COL6A3: variants seen among roughly 807,000 people sequenced by gnomAD.
COL6A3 encodes the protein collagen type VI alpha 3 chain.
COL6A3 carries 137 observed loss-of-function variants against 274.1 expected under a neutral mutation model. The observed-to-expected ratio is 0.50, with a 90% confidence interval of 0.44 to 0.58. The LOEUF (loss-of-function observed/expected upper bound fraction) is 0.58. Ranked by LOEUF, COL6A3 falls within the 20% of genes least tolerant of loss-of-function variation. The probability of loss-of-function intolerance (pLI) is 0.00; values close to 1 mark genes in which losing one functional copy is unlikely to be tolerated. For synonymous variants in COL6A3, 1,650 were observed against 1,650.6 expected (o/e 1.00, Z 0.01); for missense variants, 3,950 against 4,124.9 (o/e 0.96, Z 1.16).
Position 237,369,005 on chromosome 2 carries a change from T to C in COL6A3, c.4458A>G (p.Pro1486=). The C allele has an allele frequency of 6.2e-6, 10 of 1,614,250 alleles. No individual in the cohort carries two copies. Among genetic ancestry groups the C allele is most frequent in the Non-Finnish European group, 8.5e-6 (10 of 1,180,048 alleles). The part of the protein sequence containing the change: ...GVVQFSNDVF[P]EFYLKTYRSQ... ...ATCTGTAGGTTTTCAGATAGAATTCTGGGAAGACATCATTGCTGAACTGCA... is the reference window on the plus strand; with the variant it reads ...ATCTGTAGGTTTTCAGATAGAATTCCGGGAAGACATCATTGCTGAACTGCA... Residue 1486 remains proline (P), a synonymous_variant, in exon 10 of 44, where the codon CCA becomes CCG. Transcript: ENST00000295550.
chr2:237,364,469 AG>A lies in COL6A3; in HGVS notation c.5839-42del. On this transcript the variant is annotated intron_variant, in intron 12 of 43. Coordinates refer to ENST00000295550, the MANE Select transcript of COL6A3 (RefSeq NM_004369.4). The surrounding 1 kb of genome is among the most constrained non-coding windows in gnomAD (Gnocchi z 4.6). Reference sequence around the variant, plus strand: ...CTGTCAAATCCCAGGAAAACTAAAAAGGAGTGTTGCAGACTGCTGATAGAAA... The same window carrying A: ...CTGTCAAATCCCAGGAAAACTAAAAAGAGTGTTGCAGACTGCTGATAGAAA... 6.7e-7 allele frequency: 1 copy of A among 1,497,556 alleles called. No homozygotes were observed. The highest frequency in any genetic ancestry group is 9.3e-7 in the Non-Finnish European group (1 of 1,074,606). The allele number at this position is 1,497,556 out of a possible 1,614,324, so 92.8% of individuals were successfully genotyped here.
rs2077706383 is a variant in COL6A3, at chr2:237,372,086, T to G, written c.3931A>C (p.Asn1311His). The G allele has an allele frequency of 6.2e-7, 1 of 1,614,066 alleles. No individual in the cohort carries two copies. Among genetic ancestry groups the G allele is most frequent in the South Asian group, 1.1e-5 (1 of 91,090 alleles). The change falls in exon 9 of 44, where the codon AAC becomes CAC. Residue 1311 changes from asparagine (N) to histidine (H), a missense_variant. Coordinates refer to ENST00000295550, the MANE Select transcript of COL6A3 (RefSeq NM_004369.4). ...RLRPKGGRQI[N>H]VGNALEYVSR... ...ACGTACTCCAGGGCATTGCCCACGT[T>G]GATCTGCCGCCCTCCCTTGGGCCTC...
At chr2:237,396,588 CCTAT>C in intron 2 of COL6A3, 135 bp downstream of exon 2, 4 of 836,998 alleles carry the variant, frequency 4.8e-6, no homozygotes, top group Non-Finnish European at 8.1e-6. Context: ...CTAGAACTAT[CCTAT>C]CTGACTATCC....
chr2:237,375,636 G>A (rs1401244661), intron 7 of COL6A3, among the ~76,000 whole-genome samples: 3 of 152,112 alleles, frequency 2.0e-5, no homozygotes, highest in South Asian at 2.1e-4. Context: ...TCCGCCTCCC[G>A]GGTTCAAGTG....
rs372619164 is a variant in COL6A3 at position 237,374,965 on chromosome 2, G to A, written c.3126C>T (p.Ser1042=). Residue 1042 remains serine (S), a synonymous_variant, in exon 8 of 44, where the codon AGC becomes AGT. Coordinates refer to ENST00000295550, the MANE Select transcript of COL6A3 (RefSeq NM_004369.4). This position sits in a 1 kb window ranked among gnomAD's most constrained non-coding sequence, Gnocchi z 4.8. The part of the protein sequence containing the change: ...FLLDGSEGVR[S]GFPLLKEFVQ... Reference sequence around the variant, plus strand: ...CAAACTCTTTCAACAGAGGGAAGCCGCTCCTGACGCCCTCAGAGCCATCAA... The same window carrying A: ...CAAACTCTTTCAACAGAGGGAAGCCACTCCTGACGCCCTCAGAGCCATCAA... The A allele has an allele frequency of 1.7e-5, 28 of 1,613,758 alleles. No homozygotes were observed. Among genetic ancestry groups the A allele is most frequent in the South Asian group, 5.5e-5 (5 of 91,074 alleles).
intron 10 of COL6A3, among the ~76,000 whole-genome samples, chr2:237,367,541 C>G (rs115360817): frequency 2.6e-5 from 4 of 152,212 alleles, no homozygotes; most frequent in African/African-American, 4.8e-5. Context: ...ATGTCACACT[C>G]TGTGAAAACT....
rs555176397 is a variant in COL6A3 at position 237,344,690 on chromosome 2, G to A, written c.7328C>T (p.Ala2443Val). Reference sequence around the variant, plus strand: ...GTTGTAGGTGACCACAGCCACCCGGGCCCCCCGTGGGCAGTTGCTCTCAGC... The same window carrying A: ...GTTGTAGGTGACCACAGCCACCCGGACCCCCCGTGGGCAGTTGCTCTCAGC... ...TIAESNCPRGARVAVVTYNNE... is the reference protein window; with the variant it reads ...TIAESNCPRGVRVAVVTYNNE... Residue 2443 changes from alanine (A) to valine (V), a missense_variant, in exon 36 of 44, where the codon GCC becomes GTC. Physicochemically the swap from Ala to Val is moderately conservative, Grantham distance 64 (BLOSUM62 0). Transcript: ENST00000295550. The surrounding 1 kb of genome is among the most constrained non-coding windows in gnomAD (Gnocchi z 4.8). 2.4e-5 allele frequency: 39 copies of A among 1,609,870 alleles called. 1 individual carries two copies. In the South Asian group the frequency reaches 3.6e-4, roughly 15 times the overall value.
Position 237,350,224 on chromosome 2 carries a change from C to T in COL6A3, c.6817-15G>A, listed in dbSNP as rs1223002506. On this transcript the variant is annotated splice_polypyrimidine_tract_variant and intron_variant, in intron 27 of 43. Coordinates refer to ENST00000295550, the MANE Select transcript of COL6A3 (RefSeq NM_004369.4). ...CCGGGCTCACCCTAGACATGAGAAA[C>T]ATGGCTGAGACCCTGTGGCCTGGGG... 1.9e-6 allele frequency: 3 copies of T among 1,613,976 alleles called. No individual in the cohort carries two copies. Among genetic ancestry groups the T allele is most frequent in the South Asian group, 1.1e-5 (1 of 91,084 alleles).
chr2:237,394,720 C>CGGTTA lies in COL6A3; in HGVS notation c.575_576insTAACC (p.Leu193AsnfsTer10). ...CTAGGTTGAACATATGCATATTGAG[C>CGGTTA]GGTTCACTTGCTATTTCTTTTAACG... On this transcript the variant is annotated frameshift_variant, in exon 3 of 44. Coordinates refer to ENST00000295550, the MANE Select transcript of COL6A3 (RefSeq NM_004369.4). LOFTEE classifies it high-confidence loss of function. 6.2e-7 allele frequency: 1 copy of CGGTTA among 1,614,174 alleles called. No homozygotes were observed. Among genetic ancestry groups the CGGTTA allele is most frequent in the Non-Finnish European group, 8.5e-7 (1 of 1,180,026 alleles).
rs973932425 is a variant in COL6A3 at position 237,336,544 on chromosome 2, A to T, written c.8568-12T>A. ...TATTCGGAACATTTCTGTTAAGACA[A>T]ATTAAATATTACCTCTACTTTTACC... On this transcript the variant is annotated splice_polypyrimidine_tract_variant and intron_variant, in intron 39 of 43. Transcript: ENST00000295550. The T allele has an allele frequency of 6.2e-6, 10 of 1,613,402 alleles. No homozygotes were observed. In the African/African-American group the frequency reaches 1.2e-4, roughly 19 times the overall value.
Position 237,352,575 on chromosome 2 carries a change from C to A in COL6A3, c.6700G>T (p.Gly2234Cys). The A allele has an allele frequency of 6.2e-7, 1 of 1,613,602 alleles. No individual in the cohort carries two copies. The highest frequency in any genetic ancestry group is 8.5e-7 in the Non-Finnish European group (1 of 1,179,810). Residue 2234 changes from glycine (G) to cysteine (C), a missense_variant, in exon 26 of 44, where the codon GGT becomes TGT. This residue lies in a region of COL6A3 where 1,284 missense variants were observed against 1,349.7 expected (regional missense o/e 0.95). Coordinates refer to ENST00000295550, the MANE Select transcript of COL6A3 (RefSeq NM_004369.4). ...ATCAGCCCTGGAGGACCAGCAGGAC[C>A]AGCTGGGCCCTGAGGAAGGAAAAGA... ...QGTRGAQGPA[G>C]PAGPPGLIGE...
chr2:237,332,870 G>C (rs1700333453), intron 42 of COL6A3: 1 of 156,604 alleles, frequency 6.4e-6, no homozygotes, highest in Admixed American at 6.1e-5. Flanking sequence ...AGTAACAGCT[G>C]TCAGTTCCTG....
At chr2:237,377,877 A>G (rs2077893137) in intron 6 of COL6A3, among the ~76,000 whole-genome samples, 2 of 152,246 alleles carry the variant, frequency 1.3e-5, no homozygotes, top group East Asian at 3.8e-4. Flanking sequence ...AGTGCCCATT[A>G]CTGCTGTGTG....
Position 237,340,912 on chromosome 2 carries a change from C to T in COL6A3, c.8004G>A (p.Gln2668=), listed in dbSNP as rs551116650. ...TGTCCACGGACTCAGAGGGCGCGTGCTGCACAACTGCCACTCTGGCGAAGT... is the reference window on the plus strand; with the variant it reads ...TGTCCACGGACTCAGAGGGCGCGTGTTGCACAACTGCCACTCTGGCGAAGT... ...SQHFARVAVV[Q]HAPSESVDNA... Residue 2668 remains glutamine (Q), a synonymous_variant, in exon 38 of 44, where the codon CAG becomes CAA. Coordinates refer to ENST00000295550, the MANE Select transcript of COL6A3 (RefSeq NM_004369.4). The T allele has an allele frequency of 6.2e-7, 1 of 1,613,198 alleles. No individual in the cohort carries two copies. The highest frequency in any genetic ancestry group is 1.3e-5 in the African/African-American group (1 of 75,048).
rs1004337990 is a variant in COL6A3 at position 237,341,517 on chromosome 2, C to A, written c.7766-367G>T. Among the ~76,000 whole-genome samples the A allele has an allele frequency of 5.7e-5, 8 of 140,684 alleles. No individual in the cohort carries two copies. The Admixed American group carries it at 5.9e-4, about 10-fold the overall frequency. The allele number at this position is 140,684 out of a possible 152,430, so 92.3% of individuals were successfully genotyped here. A position where few individuals can be genotyped will look rare whatever the true frequency, so the allele number is the denominator to read the frequency against. ...CAAGATTGTGCCACTGCACTCCAGC[C>A]TGGGCAACAAGAGCAAGACTCTGTC... On this transcript the variant is annotated intron_variant, in intron 37 of 43. Coordinates refer to ENST00000295550, the MANE Select transcript of COL6A3 (RefSeq NM_004369.4).
At chr2:237,369,246 C>G (rs1479617895) in intron 9 of COL6A3, 69 bp from the exon 10 acceptor site, 1 of 1,577,220 alleles carries the variant, frequency 6.3e-7, no homozygotes, top group East Asian at 2.2e-5. Flanking sequence ...TTGGTGTGCA[C>G]CTTGCACCAT....
chr2:237,387,582 C>T lies in COL6A3; in HGVS notation c.1312G>A (p.Val438Ile). The T allele has an allele frequency of 1.2e-6, 2 of 1,613,966 alleles. No homozygotes were observed. The highest frequency in any genetic ancestry group is 1.7e-6 in the Non-Finnish European group (2 of 1,179,986). Residue 438 changes from valine (V) to isoleucine (I), a missense_variant and splice_region_variant, in exon 4 of 44, where the codon GTC becomes ATC. Val to Ile is a conservative substitution (Grantham distance 29, BLOSUM62 3). Coordinates refer to ENST00000295550, the MANE Select transcript of COL6A3 (RefSeq NM_004369.4). ...CAGATGGTGAGAAGAGGATACATACCTTGTGTGACAATGGTTGGCGGTTTC... is the reference window on the plus strand; with the variant it reads ...CAGATGGTGAGAAGAGGATACATACTTTGTGTGACAATGGTTGGCGGTTTC... Reference protein sequence around the residue: ...VLKPPTIVTQVIEVNKRDIVF... With the variant: ...VLKPPTIVTQIIEVNKRDIVF...
intron 41 of COL6A3, among the ~76,000 whole-genome samples, chr2:237,334,422 T>C (rs1382410905): frequency 6.6e-6 from 1 of 152,222 alleles, no homozygotes; most frequent in Non-Finnish European, 1.5e-5. Context: ...GCATCCCACA[T>C]GGAATCCCAT....
At chr2:237,393,309 C>T (rs1373587357) in intron 3 of COL6A3, among the ~76,000 whole-genome samples, 2 of 152,132 alleles carry the variant, frequency 1.3e-5, no homozygotes, top group African/African-American at 4.8e-5. Context: ...TCAGCAGTTG[C>T]TTCCTGAATG....
Sources: gnomAD v4.1 joint callset for allele counts (sites outside exome capture counted in the v4.1 genomes callset) on GRCh38, gnomAD v4.1.1 for gene constraint, gnomAD v4.1.1 regional missense constraint, Gnocchi (gnomAD v3.1) non-coding constraint, MANE v1.5 for transcripts, NCBI Gene and HGNC (gene_info 2026-07-23, HGNC 2026-07-21) for gene names.